RAP1GAP2: variants seen among roughly 807,000 people sequenced by gnomAD.
The protein encoded by RAP1GAP2 is RAP1 GTPase activating protein 2, also known as rap1 GTPase-activating protein 2.
In RAP1GAP2, 27 loss-of-function variants were observed where a neutral mutation model predicts 95.0. That is an observed-to-expected ratio of 0.28 (90% CI 0.21 to 0.39). The LOEUF (loss-of-function observed/expected upper bound fraction) is 0.39. Among genes scored for constraint, RAP1GAP2 ranks in the 10% least tolerant of loss-of-function variants. The probability of loss-of-function intolerance (pLI) is 1.00; values close to 1 mark genes in which losing one functional copy is unlikely to be tolerated. For missense variants in RAP1GAP2, 771 were observed against 970.0 expected (o/e 0.79, Z 2.72); for synonymous variants, 373 against 380.9 (o/e 0.98, Z 0.24).
At chr17:2,959,667 C>T (rs2044240461) in intron 4 of RAP1GAP2, among the ~76,000 whole-genome samples, 1 of 152,230 alleles carries the variant, frequency 6.6e-6, no homozygotes, top group African/African-American at 2.4e-5. Context: ...TTCCCGATAC[C>T]TAGCCCAAGA....
intron 2 of RAP1GAP2, among the ~76,000 whole-genome samples, chr17:2,809,397 T>TGGACA (rs2069660979): frequency 1.3e-5 from 2 of 152,174 alleles, no homozygotes; most frequent in African/African-American, 4.8e-5. Flanking sequence ...GTGGGTCCCA[T>TGGACA]GGACAGGGCT....
At position 2,849,998 on chromosome 17, in the gene RAP1GAP2, G is replaced by GTTTTTTTTTTTTT. The variant is rs1363363543; in HGVS notation, c.80+49448_80+49449insTTTTTTTTTTTTT. Among the ~76,000 whole-genome samples, 7 of 136,130 alleles carry GTTTTTTTTTTTTT rather than the reference G, an allele frequency of 5.1e-5. 3 individuals are homozygous for GTTTTTTTTTTTTT. The highest frequency in any genetic ancestry group is 1.1e-4 in the Non-Finnish European group (7 of 63,960). The allele number at this position is 136,130 out of a possible 152,430, so 89.3% of individuals were successfully genotyped here. A position where few individuals can be genotyped will look rare whatever the true frequency, so the allele number is the denominator to read the frequency against. On this transcript the variant is annotated intron_variant, in intron 2 of 24. Coordinates refer to ENST00000254695, the MANE Select transcript of RAP1GAP2 (RefSeq NM_015085.5). ...GTGTCACTAACACCTAACACTGCCTGCTTTTTTTTTTTTTTTTTTTGAGAT... is the reference window on the plus strand; with the variant it reads ...GTGTCACTAACACCTAACACTGCCTGTTTTTTTTTTTTTCTTTTTTTTTTTTTTTTTTTGAGAT...
chr17:3,034,579 C>A lies in RAP1GAP2; in HGVS notation c.*1218C>A, dbSNP rs1241804425. ...GGCTCAACCCCCCAATCCTGTTCCC[C>A]TCTCCAGCTGCGGGTCTGTAGGCAG... On this transcript the variant is annotated 3_prime_UTR_variant, in exon 25 of 25. Transcript: ENST00000254695. This position sits in a 1 kb window ranked among gnomAD's most constrained non-coding sequence, Gnocchi z 5.1. 1 of 154,444 alleles carries A rather than the reference C, an allele frequency of 6.5e-6. No homozygotes were observed. Among genetic ancestry groups the A allele is most frequent in the Non-Finnish European group, 1.5e-5 (1 of 68,788 alleles). The allele number at this position is 154,444 out of a possible 1,614,324, so 9.6% of individuals were successfully genotyped here.
rs781528088 is a variant in RAP1GAP2, at chr17:3,020,491, G to A, written c.1647G>A (p.Ala549=). 26 of 1,613,476 alleles carry A rather than the reference G, an allele frequency of 1.6e-5. No individual in the cohort carries two copies. Among genetic ancestry groups the A allele is most frequent in the East Asian group, 1.3e-4 (6 of 44,880 alleles). ...TTCATCGACAGCCTCCAGTGGTGGC[G>A]GCAACGGTGAAGAACCAGTCACGGA... The part of the protein sequence containing the change: ...TKTTFSPPVV[A]ATVKNQSRSP... The change falls in exon 19 of 25, where the codon GCG becomes GCA. Residue 549 remains alanine, a synonymous_variant. Transcript: ENST00000254695.
At chr17:2,837,254 A>G (rs904035869) in intron 2 of RAP1GAP2, among the ~76,000 whole-genome samples, 8 of 88,492 alleles carry the variant, frequency 9.0e-5, no homozygotes, top group Non-Finnish European at 1.2e-4. Context: ...CTGTCTCTGG[A>G]AAAAAAAAAA....
chr17:3,028,444 TTC>T (rs1181261193), intron 22 of RAP1GAP2, among the ~76,000 whole-genome samples: 4 of 152,146 alleles, frequency 2.6e-5, no homozygotes, highest in African/African-American at 9.7e-5. Context: ...AGACAAATAA[TTC>T]TCTGACCCCA....
At chr17:2,775,267 C>T (rs962232674), upstream of RAP1GAP2, among the ~76,000 whole-genome samples, 8 of 152,028 alleles carry the variant, frequency 5.3e-5, no homozygotes, top group South Asian at 6.2e-4. Context: ...GAGAGACAGA[C>T]GATAAACATG....
chr17:2,787,796 T>A (rs1284948204), intron 1 of RAP1GAP2, among the ~76,000 whole-genome samples: 9 of 151,978 alleles, frequency 5.9e-5, no homozygotes, highest in Non-Finnish European at 1.3e-4. Context: ...TTCAATCTCC[T>A]GACCTCGTGA....
At chr17:2,806,777 T>C (rs1421926830) in intron 2 of RAP1GAP2, among the ~76,000 whole-genome samples, 1 of 151,722 alleles carries the variant, frequency 6.6e-6, no homozygotes, top group Non-Finnish European at 1.5e-5. Flanking sequence ...AGTGGCATGA[T>C]CTTGGCTCAC....
chr17:2,905,251 G>T, intron 2 of RAP1GAP2, 33 bp from the exon 3 acceptor site: 20 of 1,599,896 alleles, frequency 1.3e-5, no homozygotes, highest in Non-Finnish European at 1.7e-5. Context: ...GGCGCAGGCA[G>T]GTCCTCACTC....
chr17:2,962,591 G>T, intron 4 of RAP1GAP2, 79 bp from the exon 5 acceptor site: 1 of 1,437,148 alleles, frequency 7.0e-7, no homozygotes, highest in Non-Finnish European at 9.5e-7. Context: ...CTAACCCCCT[G>T]TAAGGCCAGG....
intron 1 of RAP1GAP2, among the ~76,000 whole-genome samples, chr17:2,786,066 TA>T: frequency 6.6e-6 from 1 of 152,072 alleles, no homozygotes; most frequent in Non-Finnish European, 1.5e-5. Context: ...CATGCCTGGC[TA>T]ATTTTGTATT....
At chr17:2,868,191 C>T (rs1297221978) in intron 2 of RAP1GAP2, among the ~76,000 whole-genome samples, 3 of 152,144 alleles carry the variant, frequency 2.0e-5, no homozygotes, top group African/African-American at 4.8e-5. Flanking sequence ...TCCTTCCAGA[C>T]GTCTGGCCAG....
intron 3 of RAP1GAP2, among the ~76,000 whole-genome samples, chr17:2,940,438 G>T (rs929956289): frequency 1.2e-4 from 19 of 152,236 alleles, no homozygotes; most frequent in African/African-American, 4.3e-4. Flanking sequence ...CCAGCCAAAG[G>T]CTGTGCATAG....
chr17:2,936,144 A>G (rs944824727), intron 3 of RAP1GAP2, among the ~76,000 whole-genome samples: 1 of 149,780 alleles, frequency 6.7e-6, no homozygotes, highest in Non-Finnish European at 1.5e-5. Flanking sequence ...TTTAGGGTAC[A>G]TGTGCACAAC....
intron 18 of RAP1GAP2, among the ~76,000 whole-genome samples, chr17:3,019,104 C>T (rs1003500871): frequency 3.9e-5 from 6 of 151,910 alleles, no homozygotes; most frequent in Non-Finnish European, 5.9e-5. Context: ...AATTTGAATG[C>T]GATTCTGCTG....
At chr17:2,875,783 C>G (rs1303681465) in intron 2 of RAP1GAP2, among the ~76,000 whole-genome samples, 1 of 152,056 alleles carries the variant, frequency 6.6e-6, no homozygotes, top group Non-Finnish European at 1.5e-5. Context: ...GGGCCCCTTC[C>G]TCTTCTCTGT....
At chr17:2,885,064 C>T (rs1225374884) in intron 2 of RAP1GAP2, among the ~76,000 whole-genome samples, 8 of 131,874 alleles carry the variant, frequency 6.1e-5, no homozygotes, top group East Asian at 2.2e-4. Flanking sequence ...GATGGAGTCT[C>T]GCTCTGTCGC....
intron 1 of RAP1GAP2, among the ~76,000 whole-genome samples, chr17:2,789,592 A>G (rs1247916753): frequency 7.4e-6 from 1 of 135,754 alleles, no homozygotes; most frequent in African/African-American, 2.8e-5. Flanking sequence ...GAAACGACTC[A>G]CAGACAGTCT....
Sources: gnomAD v4.1 joint callset for allele counts (sites outside exome capture counted in the v4.1 genomes callset) on GRCh38, gnomAD v4.1.1 for gene constraint, Gnocchi (gnomAD v3.1) non-coding constraint, MANE v1.5 for transcripts, NCBI Gene and HGNC (gene_info 2026-07-23, HGNC 2026-07-21) for gene names.